Variants in INF2 observed in about 807,000 individuals in gnomAD.
INF2 encodes inverted formin-2.
A neutral mutation model predicts 123.5 loss-of-function variants in INF2; 43 were observed. The observed-to-expected ratio is 0.35, with a 90% CI of 0.27 to 0.45. INF2 has a LOEUF of 0.45. Ranked by LOEUF, INF2 falls within the 20% of genes least tolerant of loss-of-function variation. INF2 has a pLI of 1.00. For synonymous variants in INF2, 851 were observed against 745.0 expected (o/e 1.14, Z -2.32); for missense variants, 1,453 against 1,682.7 (o/e 0.86, Z 2.39).
chr14:104,701,831 C>G (rs1889522259), intron 2 of INF2, 75 bp downstream of exon 2: 4 of 1,413,928 alleles, frequency 2.8e-6, no homozygotes, highest in South Asian at 1.5e-5. Flanking sequence ...CAAAAGGCCC[C>G]GGGAGGCCTG....
At chr14:104,704,357 C>T (rs532625636) in intron 5 of INF2, 3 of 357,810 alleles carry the variant, frequency 8.4e-6, no homozygotes, top group Non-Finnish European at 1.5e-5. Flanking sequence ...TGAAAAACTA[C>T]CTACAGGGTA....
chr14:104,708,384 C>G, intron 8 of INF2, 52 bp from the exon 9 acceptor site: 1 of 1,598,760 alleles, frequency 6.3e-7, no homozygotes, highest in Non-Finnish European at 8.5e-7. Flanking sequence ...CCTGCTGGAT[C>G]GCCAGGCCCC....
intron 1 of INF2, among the ~76,000 whole-genome samples, chr14:104,682,706 A>C (rs925988656): frequency 6.6e-6 from 1 of 152,162 alleles, no homozygotes; most frequent in African/African-American, 2.4e-5. Flanking sequence ...AGGTTCTGTA[A>C]GAACTGGGGA....
At chr14:104,713,892 C>T (rs76501953) in intron 20 of INF2, among the ~76,000 whole-genome samples, 31 of 152,242 alleles carry the variant, frequency 2.0e-4, no homozygotes, top group East Asian at 1.9e-4. Context: ...GCCCACTGAC[C>T]GATGCCCTTG....
At chr14:104,693,403 T>C (rs1287963913) in intron 1 of INF2, among the ~76,000 whole-genome samples, 1 of 152,118 alleles carries the variant, frequency 6.6e-6, no homozygotes, top group East Asian at 1.9e-4. Context: ...GGAGCCACAC[T>C]GGGGGCGGAG....
Position 104,718,757 on chromosome 14 carries a change from ACTG to A in INF2, c.*2-35_*2-33del, listed in dbSNP as rs750058487. 8 of 1,610,870 alleles carry A rather than the reference ACTG, an allele frequency of 5.0e-6. No homozygotes were observed. In the African/African-American group the frequency reaches 6.7e-5, roughly 13 times the overall value. ...GGCACCTGATATTGTACCCAGCAAAACTGCTCCTAATAATGTCATTTTTTCTCT... is the reference window on the plus strand; with the variant it reads ...GGCACCTGATATTGTACCCAGCAAAACTCCTAATAATGTCATTTTTTCTCT... On this transcript the variant is annotated intron_variant, in intron 22 of 22. Transcript: ENST00000392634.
chr14:104,713,348 G>A (rs1890146347), intron 19 of INF2, 39 bp downstream of exon 19: 1 of 1,554,500 alleles, frequency 6.4e-7, no homozygotes, highest in Non-Finnish European at 8.7e-7. Context: ...GGGTGACTCT[G>A]GGATCCTTGT....
intron 1 of INF2, among the ~76,000 whole-genome samples, chr14:104,698,798 C>T (rs1889324805): frequency 6.6e-6 from 1 of 152,178 alleles, no homozygotes; most frequent in Admixed American, 6.5e-5. Context: ...GCTCCGGCCT[C>T]AGCCTCCGGG....
chr14:104,688,077 G>A (rs1443174219), upstream of INF2, among the ~76,000 whole-genome samples: 1 of 152,266 alleles, frequency 6.6e-6, no homozygotes, highest in Non-Finnish European at 1.5e-5. Context: ...TCTGGAAGGG[G>A]CCCTGGAGCC....
intron 6 of INF2, 63 bp downstream of exon 6, chr14:104,706,239 G>A (rs1255359911): frequency 2.0e-6 from 3 of 1,495,366 alleles, no homozygotes; most frequent in Middle Eastern, 2.3e-4. Context: ...CTGAGGTCCA[G>A]AGGCTGGGCC....
chr14:104,709,542 G>A, intron 11 of INF2, 78 bp from the exon 12 acceptor site: 1 of 1,402,266 alleles, frequency 7.1e-7, no homozygotes, highest in Non-Finnish European at 1.0e-6. Flanking sequence ...GGCACTGGAG[G>A]GGCTGAGCCC....
In INF2 at chr14:104,710,917, AG is replaced by A; in HGVS notation, c.2240-19del. On this transcript the variant is annotated intron_variant, in intron 13 of 22. Coordinates refer to ENST00000392634, the MANE Select transcript of INF2 (RefSeq NM_022489.4). The stretch of plus-strand genomic sequence containing the variant: ...GGCTCCGAACCAAGAGCCCCTCTCC[AG>A]CCCTGGCTGCCCCTGCAGGCCTGCT... 6.2e-7 allele frequency: 1 copy of A among 1,610,444 alleles called. No individual in the cohort carries two copies. Among genetic ancestry groups the A allele is most frequent in the East Asian group, 2.2e-5 (1 of 44,776 alleles).
chr14:104,681,994 G>A (rs1048399796), intron 1 of INF2, among the ~76,000 whole-genome samples: 13 of 152,196 alleles, frequency 8.5e-5, no homozygotes, highest in Admixed American at 6.5e-4. Flanking sequence ...AGTCTCCAGG[G>A]AGGGGAGGAG....
Position 104,689,716 on chromosome 14 carries a change from G to A in INF2, c.-33G>A. On this transcript the variant is annotated 5_prime_UTR_variant, in exon 1 of 23. Transcript: ENST00000392634. ...CGGACGGAGCGCCGGCCGCACCACC[G>A]CCCTCTGGCCGTTGCCTCACCGGGT... The A allele has an allele frequency of 1.0e-6, 1 of 984,896 alleles. No individual in the cohort carries two copies. The highest frequency in any genetic ancestry group is 1.7e-5 in the African/African-American group (1 of 57,242). The allele number at this position is 984,896 out of a possible 1,614,324, so 61.0% of individuals were successfully genotyped here. A position where few individuals can be genotyped will look rare whatever the true frequency, so the allele number is the denominator to read the frequency against.
In INF2 at chr14:104,699,615, T is replaced by G. The variant is rs942731444; in HGVS notation, c.-9-1742T>G. On this transcript the variant is annotated intron_variant, in intron 1 of 22. Transcript: ENST00000392634. This position sits in a 1 kb window ranked among gnomAD's most constrained non-coding sequence, Gnocchi z 4.7. ...CGCATCTGGGTGAGTGGACGGCCAC[T>G]GGGTGACCAAGAGGGCCGGGCCTGG... 1.0e-4 allele frequency: 99 copies of G among 981,580 alleles called. No homozygotes were observed. The highest frequency in any genetic ancestry group is 1.2e-4 in the Non-Finnish European group (96 of 827,876). 60.8% of individuals were successfully genotyped at this position (981,580 alleles called of 1,614,324 possible).
chr14:104,712,623 G>C, intron 17 of INF2, 70 bp downstream of exon 17: 1 of 1,604,914 alleles, frequency 6.2e-7, no homozygotes, highest in East Asian at 2.2e-5. Context: ...GCGAGTGGCT[G>C]TGCTGTCTCC....
At chr14:104,688,150 A>AG (rs1295708356), upstream of INF2, among the ~76,000 whole-genome samples, 1 of 152,248 alleles carries the variant, frequency 6.6e-6, no homozygotes, top group African/African-American at 2.4e-5. Flanking sequence ...GTGCCTGTCT[A>AG]GGAGCAGCGG....
At position 104,715,398 on chromosome 14, in the gene INF2, G is replaced by A. The variant is rs577739019; in HGVS notation, c.*1+58G>A. 3.4e-5 allele frequency: 50 copies of A among 1,479,856 alleles called. 1 individual carries two copies. The Admixed American group carries it at 6.5e-4, about 19-fold the overall frequency. 91.7% of individuals were successfully genotyped at this position (1,479,856 alleles called of 1,614,324 possible). On this transcript the variant is annotated intron_variant, in intron 22 of 22. Coordinates refer to ENST00000392634, the MANE Select transcript of INF2 (RefSeq NM_022489.4). ...ACAGCAGCTGCAGGGCAGTGGGGCT[G>A]GAGCTTGCTGCCCACACCCCTCCGG... is the stretch of plus-strand genomic sequence containing the variant.
intron 3 of INF2, 28 bp downstream of exon 3, chr14:104,703,248 C>T (rs374451272): frequency 7.4e-6 from 12 of 1,613,016 alleles, no homozygotes; most frequent in African/African-American, 1.3e-5. Flanking sequence ...GGCCTGGGCA[C>T]ATGGGGCTCC....
Sources: allele counts gnomAD v4.1 joint callset (sites outside exome capture counted in the v4.1 genomes callset), GRCh38; gene constraint gnomAD v4.1.1; non-coding constraint Gnocchi (gnomAD v3.1); transcripts MANE v1.5; gene names NCBI Gene and HGNC (gene_info 2026-07-23, HGNC 2026-07-21).